The following ANO10 variants were observed in gnomAD, a reference collection of about 807,000 sequenced individuals.
ANO10 encodes the protein anoctamin 10, also known as anoctamin-10.
Under a neutral mutation model 74.7 loss-of-function variants are expected in ANO10, and 77 were observed. The ratio of observed to expected loss-of-function variants is 1.03; its 90% CI spans 0.86 to 1.25. ANO10 has a LOEUF of 1.25. ANO10 is among the 50% of genes most tolerant of loss of function. The probability of loss-of-function intolerance (pLI) is 0.00; values close to 1 mark genes in which losing one functional copy is unlikely to be tolerated. For missense variants in ANO10, 721 were observed against 778.1 expected (o/e 0.93, Z 0.87); for synonymous variants, 279 against 284.9 (o/e 0.98, Z 0.21).
At chr3:43,567,873 A>T (rs959189150) in intron 7 of ANO10, among the ~76,000 whole-genome samples, 3 of 152,216 alleles carry the variant, frequency 2.0e-5, no homozygotes, top group African/African-American at 4.8e-5. Flanking sequence ...GCTCCAATTA[A>T]AAGACACAGA....
At chr3:43,665,622 T>C (rs983841146) in intron 1 of ANO10, among the ~76,000 whole-genome samples, 4 of 152,180 alleles carry the variant, frequency 2.6e-5, no homozygotes, top group African/African-American at 9.7e-5. Flanking sequence ...TTCTCTTGCC[T>C]TCCTTTTCAT....
intron 11 of ANO10, among the ~76,000 whole-genome samples, chr3:43,524,233 A>G (rs1048189235): frequency 2.2e-4 from 1 of 4,632 alleles, no homozygotes; most frequent in South Asian, 8.9e-3. Context: ...CGAATCCCTC[A>G]TAGAAGGAAT....
At chr3:43,399,001 T>C (rs1023448702) in intron 12 of ANO10, among the ~76,000 whole-genome samples, 1 of 152,166 alleles carries the variant, frequency 6.6e-6, no homozygotes, top group African/African-American at 2.4e-5. Flanking sequence ...CTAATTTTTG[T>C]ATTTTTAGTA....
intron 4 of ANO10, among the ~76,000 whole-genome samples, chr3:43,590,498 G>A (rs1269824790): frequency 6.6e-6 from 1 of 152,046 alleles, no homozygotes; most frequent in South Asian, 2.1e-4. Context: ...AAATCAGGAA[G>A]ACCAGAGAAG....
At chr3:43,524,286 G>GCGCACAGATCA (rs1296571553) in intron 11 of ANO10, among the ~76,000 whole-genome samples, 1 of 152,292 alleles carries the variant, frequency 6.6e-6, no homozygotes, top group African/African-American at 2.4e-5. Flanking sequence ...AACAAGCATT[G>GCGCACAGATCA]TGCTTGGTTG....
intron 11 of ANO10, among the ~76,000 whole-genome samples, chr3:43,471,318 A>G (rs75852817): frequency 7.9e-4 from 120 of 152,358 alleles, no homozygotes; most frequent in African/African-American, 2.8e-3. Flanking sequence ...TGCTTGCCAT[A>G]AAATATCTCT....
intron 3 of ANO10, 81 bp from the exon 4 acceptor site, chr3:43,598,747 G>C: frequency 8.7e-7 from 1 of 1,156,016 alleles, no homozygotes; most frequent in Non-Finnish European, 1.2e-6. Flanking sequence ...CAGAAATAAT[G>C]GTATAAACAA....
At chr3:43,548,539 A>G (rs182156922) in intron 11 of ANO10, among the ~76,000 whole-genome samples, 1 of 152,322 alleles carries the variant, frequency 6.6e-6, no homozygotes, top group African/African-American at 2.4e-5. Context: ...ACCAAATACA[A>G]TAAGAGCCAA....
chr3:43,401,457 T>C (rs141513537), intron 12 of ANO10, among the ~76,000 whole-genome samples: 58 of 145,996 alleles, frequency 4.0e-4, no homozygotes, highest in African/African-American at 1.4e-3. Context: ...CAAGAATAGA[T>C]TCTTTGTTAA....
intron 8 of ANO10, among the ~76,000 whole-genome samples, chr3:43,562,833 C>T (rs1301988817): frequency 3.3e-5 from 5 of 152,128 alleles, no homozygotes; most frequent in African/African-American, 1.2e-4. Flanking sequence ...AAGATCTAAA[C>T]ATAAGACCCA....
intron 11 of ANO10, among the ~76,000 whole-genome samples, chr3:43,513,366 A>G (rs2077582407): frequency 6.6e-6 from 1 of 152,204 alleles, no homozygotes; most frequent in Non-Finnish European, 1.5e-5. Flanking sequence ...AAGTGGTATA[A>G]TATCTTGAGG....
chr3:43,455,282 A>G (rs2075075937), intron 11 of ANO10, among the ~76,000 whole-genome samples: 1 of 152,268 alleles, frequency 6.6e-6, no homozygotes, highest in East Asian at 1.9e-4. Flanking sequence ...ATACACATGC[A>G]TGCCAAGCAG....
At chr3:43,404,368 C>T (rs2092537468) in intron 12 of ANO10, among the ~76,000 whole-genome samples, 1 of 152,096 alleles carries the variant, frequency 6.6e-6, no homozygotes, top group South Asian at 2.1e-4. Flanking sequence ...AGATGAATTC[C>T]ACTAACATCC....
chr3:43,409,397 A>C (rs2092628768), intron 12 of ANO10, among the ~76,000 whole-genome samples: 1 of 152,118 alleles, frequency 6.6e-6, no homozygotes, highest in Admixed American at 6.5e-5. Context: ...AATATAGAAA[A>C]ATTAGTCGGG....
At chr3:43,581,346 A>G (rs1186043866) in intron 4 of ANO10, among the ~76,000 whole-genome samples, 2 of 152,248 alleles carry the variant, frequency 1.3e-5, no homozygotes, top group East Asian at 3.8e-4. Flanking sequence ...TTTGACTAGT[A>G]TGGTTTGAAC....
At chr3:43,536,995 CAA>C (rs5848666) in intron 11 of ANO10, among the ~76,000 whole-genome samples, 92 of 78,608 alleles carry the variant, frequency 1.2e-3, no homozygotes, top group African/African-American at 4.3e-3. Flanking sequence ...TTTCATCACT[CAA>C]AAAAAAAAAA....
At chr3:43,612,456 A>T (rs2082877135) in intron 1 of ANO10, among the ~76,000 whole-genome samples, 1 of 151,924 alleles carries the variant, frequency 6.6e-6, no homozygotes, top group Non-Finnish European at 1.5e-5. Flanking sequence ...TACCACCTTC[A>T]GCTCTGTTAC....
intron 12 of ANO10, among the ~76,000 whole-genome samples, chr3:43,387,353 C>CTTCTGGGGCTA (rs2092151426): frequency 6.6e-6 from 1 of 152,196 alleles, no homozygotes; most frequent in African/African-American, 2.4e-5. Flanking sequence ...TCCCTTCTAG[C>CTTCTGGGGCTA]TGTAATTGCC....
At chr3:43,534,574 T>C (rs1314484781) in intron 11 of ANO10, among the ~76,000 whole-genome samples, 1 of 152,136 alleles carries the variant, frequency 6.6e-6, no homozygotes, top group Non-Finnish European at 1.5e-5. Context: ...CTGTAGAACA[T>C]AATTCCCTGA....
Sources: allele counts gnomAD v4.1 joint callset (sites outside exome capture counted in the v4.1 genomes callset), GRCh38; gene constraint gnomAD v4.1.1; transcripts MANE v1.5; gene names NCBI Gene and HGNC (gene_info 2026-07-23, HGNC 2026-07-21).